Variants in DGKB observed in about 807,000 individuals in gnomAD.
DGKB encodes the protein 90 kDa diacylglycerol kinase.
Under a neutral mutation model 114.3 loss-of-function variants are expected in DGKB, and 67 were observed. The observed-to-expected ratio is 0.59, with a 90% CI of 0.48 to 0.72. DGKB has a LOEUF of 0.72. Ranked by LOEUF, DGKB falls within the 30% of genes least tolerant of loss-of-function variation. The probability of loss-of-function intolerance (pLI) is 0.00; values close to 1 mark genes in which losing one functional copy is unlikely to be tolerated. For synonymous variants in DGKB, 398 were observed against 323.1 expected, an observed-to-expected ratio of 1.23 and a Z score of -2.49; for missense variants, 907 against 975.2, an observed-to-expected ratio of 0.93 and a Z score of 0.93.
chr7:14,869,258 A>C (rs1017292417), intron 1 of DGKB, among the ~76,000 whole-genome samples: 5 of 152,252 alleles, frequency 3.3e-5, no homozygotes, highest in Non-Finnish European at 7.3e-5. Context: ...AATTCAATTT[A>C]GATTTTAGCC....
At chr7:14,597,558 T>C (rs75442994) in intron 17 of DGKB, among the ~76,000 whole-genome samples, 2,283 of 152,294 alleles carry the variant, frequency 0.015, 69 homozygotes, top group African/African-American at 0.052. Flanking sequence ...CCCAATAATA[T>C]AATTCAAGTT....
chr7:14,592,990 C>G (rs768265468), intron 17 of DGKB, among the ~76,000 whole-genome samples: 11 of 151,904 alleles, frequency 7.2e-5, no homozygotes, highest in African/African-American at 2.4e-4. Flanking sequence ...TTTGGGAAGA[C>G]ATTCCATGTG....
intron 1 of DGKB, among the ~76,000 whole-genome samples, chr7:14,960,626 T>C (rs1025739145): frequency 6.6e-6 from 1 of 152,088 alleles, no homozygotes; most frequent in African/African-American, 2.4e-5. Flanking sequence ...TAATTTTGTA[T>C]AATGAAGTTA....
chr7:14,263,662 C>T (rs983890250), intron 23 of DGKB, among the ~76,000 whole-genome samples: 5 of 152,116 alleles, frequency 3.3e-5, no homozygotes. Flanking sequence ...TCCTCAGAAC[C>T]AAGGTTGAGA....
At chr7:14,643,750 A>T (rs1812320705) in intron 13 of DGKB, among the ~76,000 whole-genome samples, 1 of 152,110 alleles carries the variant, frequency 6.6e-6, no homozygotes, top group South Asian at 2.1e-4. Context: ...CAGTGGGGCC[A>T]CCACATGTCC....
At chr7:14,862,482 G>A (rs1851130619) in intron 1 of DGKB, among the ~76,000 whole-genome samples, 1 of 151,782 alleles carries the variant, frequency 6.6e-6, no homozygotes, top group African/African-American at 2.4e-5. Context: ...CAACTTTCTG[G>A]GTGAGGTATT....
intron 23 of DGKB, among the ~76,000 whole-genome samples, chr7:14,255,549 T>C (rs1038032045): frequency 3.3e-5 from 5 of 152,170 alleles, no homozygotes; most frequent in South Asian, 2.1e-4. Context: ...TGGTCACCTG[T>C]ATGTTGTTGC....
chr7:14,686,584 A>G (rs1005580780), intron 9 of DGKB, among the ~76,000 whole-genome samples: 1 of 152,206 alleles, frequency 6.6e-6, no homozygotes, highest in African/African-American at 2.4e-5. Context: ...CAATATAAAT[A>G]TATTCAGATC....
Position 14,146,292 on chromosome 7 carries a change from C to A in DGKB, c.*2839G>T, listed in dbSNP as rs1781469295. The A allele has an allele frequency of 6.6e-6, 1 of 152,176 alleles. No homozygotes were observed. Among genetic ancestry groups the A allele is most frequent in the Non-Finnish European group, 1.5e-5 (1 of 68,026 alleles). 9.4% of individuals were successfully genotyped at this position (152,176 alleles called of 1,614,324 possible). On this transcript the variant is annotated 3_prime_UTR_variant, in exon 26 of 26. Transcript: ENST00000402815. ...TATCAAGGTTTACTCTGAAATGTCT[C>A]TCTGGAATCTCATCAACTCAGTGCC...
chr7:14,841,939 G>A (rs1847990892), intron 1 of DGKB, among the ~76,000 whole-genome samples: 1 of 152,098 alleles, frequency 6.6e-6, no homozygotes, highest in African/African-American at 2.4e-5. Context: ...TCAAAAGATT[G>A]GCCAAATTAA....
At chr7:14,817,274 G>A (rs1365340885) in intron 2 of DGKB, among the ~76,000 whole-genome samples, 1 of 152,148 alleles carries the variant, frequency 6.6e-6, no homozygotes, top group East Asian at 1.9e-4. Flanking sequence ...GCATCCCATT[G>A]TCTGAGGAAT....
At chr7:14,507,404 T>C (rs1203778234) in intron 20 of DGKB, among the ~76,000 whole-genome samples, 4 of 152,164 alleles carry the variant, frequency 2.6e-5, no homozygotes, top group Non-Finnish European at 1.5e-5. Context: ...GCTCCAAAAA[T>C]TCTTTAATGT....
At chr7:14,462,094 T>C (rs1348198723) in intron 21 of DGKB, among the ~76,000 whole-genome samples, 1 of 152,152 alleles carries the variant, frequency 6.6e-6, no homozygotes, top group East Asian at 1.9e-4. Context: ...TGGGTATTGA[T>C]GGAATGTATC....
intron 1 of DGKB, among the ~76,000 whole-genome samples, chr7:14,847,597 A>G (rs1167920351): frequency 6.6e-6 from 1 of 152,246 alleles, no homozygotes; most frequent in Non-Finnish European, 1.5e-5. Flanking sequence ...CTAAACAGAT[A>G]TGATACGTGA....
At chr7:14,540,283 C>T (rs146407936) in intron 20 of DGKB, among the ~76,000 whole-genome samples, 2,209 of 152,110 alleles carry the variant, frequency 0.015, 50 homozygotes, top group African/African-American at 0.051. Flanking sequence ...GCCTTGGAAG[C>T]GCTGGTCTTT....
intron 21 of DGKB, among the ~76,000 whole-genome samples, chr7:14,352,699 C>G (rs1313545767): frequency 6.6e-6 from 1 of 152,006 alleles, no homozygotes; most frequent in Non-Finnish European, 1.5e-5. Context: ...CAGAGGTAGG[C>G]GGATCACGAG....
intron 21 of DGKB, among the ~76,000 whole-genome samples, chr7:14,380,410 T>C (rs1414253496): frequency 1.3e-5 from 2 of 152,116 alleles, no homozygotes; most frequent in Non-Finnish European, 2.9e-5. Flanking sequence ...GTAAATCATA[T>C]AAACATACCA....
In DGKB at chr7:14,450,189, T is replaced by C. The variant is rs546842430; in HGVS notation, c.1835+27972A>G. Among the ~76,000 whole-genome samples the C allele has an allele frequency of 5.9e-5, 9 of 152,234 alleles. No homozygotes were observed. The South Asian group carries it at 1.5e-3, about 25-fold the overall frequency. On this transcript the variant is annotated intron_variant, in intron 21 of 25. Coordinates refer to ENST00000402815, the MANE Select transcript of DGKB (RefSeq NM_001350709.2). The stretch of plus-strand genomic sequence containing the variant: ...GAAATTGTAAGTCCATATATTGCCA[T>C]GCTGGTTAACACCAAATTCCTGAAT...
intron 13 of DGKB, among the ~76,000 whole-genome samples, chr7:14,645,440 T>C (rs1812760355): frequency 6.6e-6 from 1 of 151,924 alleles, no homozygotes; most frequent in Non-Finnish European, 1.5e-5. Flanking sequence ...AAAAACCCAC[T>C]GGGTGCCACC....
Sources: gnomAD v4.1 joint callset for allele counts (sites outside exome capture counted in the v4.1 genomes callset) on GRCh38, gnomAD v4.1.1 for gene constraint, MANE v1.5 for transcripts, NCBI Gene and HGNC (gene_info 2026-07-23, HGNC 2026-07-21) for gene names.